CD2AP: variants seen among roughly 807,000 people sequenced by gnomAD.
The protein encoded by CD2AP is CD2 associated protein.
In CD2AP, 46 loss-of-function variants were observed where a neutral mutation model predicts 85.1. That is an observed-to-expected ratio of 0.54 (90% CI 0.43 to 0.69). The LOEUF (loss-of-function observed/expected upper bound fraction) is 0.69. Among genes scored for constraint, CD2AP ranks in the 30% least tolerant of loss-of-function variants. The pLI, the probability that CD2AP is intolerant of heterozygous loss-of-function variation, is 0.00. For synonymous variants in CD2AP, 255 were observed against 252.9 expected (o/e 1.01, Z -0.08); for missense variants, 769 against 729.5 (o/e 1.05, Z -0.62).
intron 16 of CD2AP, among the ~76,000 whole-genome samples, chr6:47,610,601 G>A (rs907108334): frequency 2.0e-5 from 3 of 151,748 alleles, no homozygotes; most frequent in African/African-American, 7.3e-5. Flanking sequence ...CACTTTCACA[G>A]GTATTCCTTA....
Position 47,500,347 on chromosome 6 carries a change from T to C in CD2AP, c.5-2933T>C, listed in dbSNP as rs74796985. Among the ~76,000 whole-genome samples the C allele has an allele frequency of 4.7e-3, 723 of 152,306 alleles. 5 individuals are homozygous for C. Among genetic ancestry groups the C allele is most frequent in the African/African-American group, 0.017 (687 of 41,570 alleles). On this transcript the variant is annotated intron_variant, in intron 1 of 17. Transcript: ENST00000359314. Reference sequence around the variant, plus strand: ...CTGAATTTCTGGTCTTTTTGAGGTCTACAGAGCAGTTTGGTATTTCATTTA... The same window carrying C: ...CTGAATTTCTGGTCTTTTTGAGGTCCACAGAGCAGTTTGGTATTTCATTTA...
At chr6:47,534,243 T>A (rs2114026688) in intron 3 of CD2AP, among the ~76,000 whole-genome samples, 1 of 152,324 alleles carries the variant, frequency 6.6e-6, no homozygotes, top group East Asian at 1.9e-4. Flanking sequence ...GAGCATTACA[T>A]TTGAAATCAG....
intron 5 of CD2AP, among the ~76,000 whole-genome samples, chr6:47,564,322 T>C (rs868349689): frequency 2.6e-5 from 4 of 152,102 alleles, no homozygotes; most frequent in Non-Finnish European, 5.9e-5. Context: ...AGCATATGAG[T>C]GAAATGATCT....
chr6:47,537,072 A>G (rs1021630843), intron 3 of CD2AP, among the ~76,000 whole-genome samples: 2 of 152,222 alleles, frequency 1.3e-5, no homozygotes, highest in African/African-American at 4.8e-5. Context: ...TGAGTGTAAA[A>G]GATACATTGA....
At position 47,624,274 on chromosome 6, in the gene CD2AP, C is replaced by T. The variant is rs377338831; in HGVS notation, c.*47C>T. On this transcript the variant is annotated 3_prime_UTR_variant, in exon 18 of 18. Transcript: ENST00000359314. ...TAATGTTCCAGGGATTCAGAAGCAA[C>T]GCTATGAACTTCAGCTGACTTGTTA... 32 of 1,432,894 alleles carry T rather than the reference C, an allele frequency of 2.2e-5. No homozygotes were observed. Among genetic ancestry groups the T allele is most frequent in the Non-Finnish European group, 2.8e-5 (28 of 1,015,796 alleles). The allele number at this position is 1,432,894 out of a possible 1,614,324, so 88.8% of individuals were successfully genotyped here. A position where few individuals can be genotyped will look rare whatever the true frequency, so the allele number is the denominator to read the frequency against.
intron 3 of CD2AP, among the ~76,000 whole-genome samples, chr6:47,538,625 G>T (rs1039338206): frequency 6.6e-5 from 10 of 152,068 alleles, no homozygotes; most frequent in African/African-American, 2.4e-4. Flanking sequence ...TTTTTTTCCA[G>T]AGCCAACTGG....
chr6:47,603,468 G>A (rs2114142399), intron 13 of CD2AP, among the ~76,000 whole-genome samples: 2 of 152,076 alleles, frequency 1.3e-5, no homozygotes, highest in South Asian at 4.1e-4. Context: ...AAAGCACCAA[G>A]CCATCCTTTT....
chr6:47,506,854 C>T (rs1021726474), intron 2 of CD2AP, among the ~76,000 whole-genome samples: 17 of 147,952 alleles, frequency 1.1e-4, no homozygotes, highest in African/African-American at 3.8e-4. Context: ...AGGGAGAGAG[C>T]GGCTGTGGCA....
chr6:47,587,202 A>G (rs964163028), intron 11 of CD2AP, among the ~76,000 whole-genome samples: 5 of 152,168 alleles, frequency 3.3e-5, no homozygotes, highest in African/African-American at 1.2e-4. Context: ...GCCTTCCACC[A>G]AGGAAATAAA....
chr6:47,582,145 G>A (rs1288534939), intron 11 of CD2AP, 80 bp downstream of exon 11: 1 of 916,622 alleles, frequency 1.1e-6, no homozygotes, highest in Non-Finnish European at 1.8e-6. Context: ...TCCACACTGA[G>A]TTATTTACAC....
intron 1 of CD2AP, among the ~76,000 whole-genome samples, chr6:47,485,444 G>A (rs1435633560): frequency 6.6e-6 from 1 of 151,946 alleles, no homozygotes. Context: ...TATAAGGAAA[G>A]AAAATATTTT....
intron 1 of CD2AP, 63 bp from the exon 2 acceptor site, chr6:47,503,217 A>G (rs1766041898): frequency 1.4e-6 from 2 of 1,419,034 alleles, no homozygotes; most frequent in Non-Finnish European, 2.0e-6. Flanking sequence ...TAAATTTATT[A>G]ATATAGTTTA....
intron 11 of CD2AP, among the ~76,000 whole-genome samples, chr6:47,591,499 GGT>G (rs1427702163): frequency 2.0e-5 from 3 of 152,030 alleles, no homozygotes; most frequent in African/African-American, 7.2e-5. Flanking sequence ...CTACTTTTTA[GGT>G]AGTACATTTT....
chr6:47,595,760 C>A, intron 11 of CD2AP, 101 bp from the exon 12 acceptor site: 2 of 869,420 alleles, frequency 2.3e-6, no homozygotes, highest in South Asian at 1.5e-5. Flanking sequence ...AAGTTCATGT[C>A]TGCCTCTGTC....
intron 1 of CD2AP, among the ~76,000 whole-genome samples, chr6:47,492,573 T>C (rs1277172391): frequency 6.6e-6 from 1 of 152,086 alleles, no homozygotes; most frequent in Admixed American, 6.6e-5. Context: ...CTTGAACTCC[T>C]GGCCTCAGGT....
chr6:47,556,374 G>A lies in CD2AP; in HGVS notation c.541+1608G>A, dbSNP rs184840404. Among the ~76,000 whole-genome samples the A allele has an allele frequency of 1.5e-3, 219 of 145,862 alleles. 1 individual carries two copies. Among genetic ancestry groups the A allele is most frequent in the African/African-American group, 5.2e-3 (207 of 39,462 alleles). On this transcript the variant is annotated intron_variant, in intron 5 of 17. Transcript: ENST00000359314. ...CCAGCTTCATTCATGACCCTCCAAA[G>A]GACATGAACTCATTCTTTTTTTTTT...
intron 5 of CD2AP, among the ~76,000 whole-genome samples, chr6:47,564,131 G>A (rs1767931721): frequency 6.6e-6 from 1 of 152,112 alleles, no homozygotes; most frequent in African/African-American, 2.4e-5. Context: ...TTAAGGGTGT[G>A]TAAAAACCAT....
At chr6:47,544,575 A>T (rs1767316811) in intron 3 of CD2AP, 31 bp from the exon 4 acceptor site, 3 of 1,327,690 alleles carry the variant, frequency 2.3e-6, no homozygotes, top group Non-Finnish European at 3.3e-6. Flanking sequence ...ATCATTCTTA[A>T]TCTAATTTCT....
At chr6:47,502,410 T>C (rs1564926) in intron 1 of CD2AP, among the ~76,000 whole-genome samples, 92,899 of 151,704 alleles carry the variant, frequency 0.61, 29,186 homozygotes, top group Middle Eastern at 0.74. Context: ...ACTACAGGTG[T>C]ACACTGCCAT....
Sources: gnomAD v4.1 joint callset for allele counts (sites outside exome capture counted in the v4.1 genomes callset) on GRCh38, gnomAD v4.1.1 for gene constraint, MANE v1.5 for transcripts, NCBI Gene and HGNC (gene_info 2026-07-23, HGNC 2026-07-21) for gene names.